The following ANKLE1 variants were observed in gnomAD, a reference collection of about 807,000 sequenced individuals.
ANKLE1 encodes ankyrin repeat and LEM domain containing 1, also known as structure-specific endonuclease ANKLE1.
Under a neutral mutation model 56.2 loss-of-function variants are expected in ANKLE1, and 59 were observed. That is an observed-to-expected ratio of 1.05 (90% confidence interval 0.85 to 1.30). ANKLE1 has a LOEUF of 1.30. Among genes scored for constraint, ANKLE1 ranks in the 50% most tolerant of loss-of-function variants. The pLI, the probability that ANKLE1 is intolerant of heterozygous loss-of-function variation, is 0.00. For synonymous variants in ANKLE1, 341 were observed against 352.9 expected (o/e 0.97, Z 0.38); for missense variants, 771 against 816.1 (o/e 0.94, Z 0.67).
intron 3 of ANKLE1, 26 bp from the exon 4 acceptor site, chr19:17,282,838 G>GC: frequency 6.3e-7 from 1 of 1,584,204 alleles, no homozygotes; most frequent in South Asian, 1.1e-5. Flanking sequence ...GGCCTCGGGC[G>GC]CCCCCTGCTG....
chr19:17,282,737 A>G lies in ANKLE1; in HGVS notation c.297A>G (p.Gly99=). Residue 99 remains glycine (G), a synonymous_variant, in exon 3 of 9, where the codon GGA becomes GGG. Coordinates refer to ENST00000404085, the MANE Select transcript of ANKLE1 (RefSeq NM_152363.6). ...GCCTGGAGCTGCTGCTGAGCCAAGG[A>G]GCGGACCCGGCGCTGCGCGACCAGG... is the stretch of plus-strand genomic sequence containing the variant. ...RRGLELLLSQ[G]ADPALRDQDG... 1 of 1,542,228 alleles carries G rather than the reference A, an allele frequency of 6.5e-7. No homozygotes were observed. The highest frequency in any genetic ancestry group is 8.7e-7 in the Non-Finnish European group (1 of 1,150,438).
At chr19:17,285,886 T>A in intron 8 of ANKLE1, 67 bp downstream of exon 8, 1 of 1,590,166 alleles carries the variant, frequency 6.3e-7, no homozygotes, top group South Asian at 1.1e-5. Flanking sequence ...CCCTCATTTT[T>A]TTCCTTCTGA....
rs11882562 is a variant in ANKLE1, at chr19:17,284,246, C to A, written c.1356C>A (p.Thr452=). The change falls in exon 6 of 9, where the codon ACC becomes ACA. Residue 452 remains threonine, a synonymous_variant. Transcript: ENST00000404085. The part of the protein sequence containing the change: ...WREGVVKSSF[T]YLLLDPRETQ... ...AGGGGGTCGTGAAGTCTAGCTTCAC[C>A]TATCTGCTGCTGGACCCCAGGTACT... is the stretch of plus-strand genomic sequence containing the variant. 10 of 1,613,634 alleles carry A rather than the reference C, an allele frequency of 6.2e-6. No individual in the cohort carries two copies. The highest frequency in any genetic ancestry group is 1.7e-5 in the Admixed American group (1 of 59,982).
chr19:17,285,947 G>A, intron 8 of ANKLE1, 128 bp downstream of exon 8: 2 of 1,300,510 alleles, frequency 1.5e-6, no homozygotes, highest in Non-Finnish European at 2.1e-6. Flanking sequence ...CTTTGAACCT[G>A]CACATGCATG....
At position 17,282,721 on chromosome 19, in the gene ANKLE1, T is replaced by A. The variant is rs8108174; in HGVS notation, c.281T>A (p.Leu94Gln). ...TGGGGCTGCCGCCGCGGCCTGGAGC[T>A]GCTGCTGAGCCAAGGAGCGGACCCG... is the stretch of plus-strand genomic sequence containing the variant. ...AAWGCRRGLE[L>Q]LLSQGADPAL... The change falls in exon 3 of 9, where the codon CTG becomes CAG. Residue 94 changes from leucine (L) to glutamine (Q), a missense_variant. Physicochemically the swap from Leu to Gln is moderately radical, Grantham distance 113. Coordinates refer to ENST00000404085, the MANE Select transcript of ANKLE1 (RefSeq NM_152363.6). 777,203 of 1,539,708 alleles carry A rather than the reference T, an allele frequency of 0.5. 197,243 individuals carry two copies. The highest frequency in any genetic ancestry group is 0.52 in the Non-Finnish European group (592,893 of 1,149,156).
Position 17,282,991 on chromosome 19 carries a change from C to G in ANKLE1, c.449C>G (p.Pro150Arg). 6.4e-7 allele frequency: 1 copy of G among 1,562,032 alleles called. No homozygotes were observed. Among genetic ancestry groups the G allele is most frequent in the Non-Finnish European group, 8.6e-7 (1 of 1,160,338 alleles). ...RIGAETQEPE[P>R]APGTPGLSGP... Reference sequence around the variant, plus strand: ...GGGGCAGAGACTCAGGAGCCCGAGCCTGCACCTGGCAGTGAGTAGGGCCTG... The same window carrying G: ...GGGGCAGAGACTCAGGAGCCCGAGCGTGCACCTGGCAGTGAGTAGGGCCTG... The change falls in exon 4 of 9, where the codon CCT becomes CGT. Residue 150 changes from proline to arginine, a missense_variant. Physicochemically the swap from Pro to Arg is moderately radical, Grantham distance 103 (BLOSUM62 -2). Coordinates refer to ENST00000404085, the MANE Select transcript of ANKLE1 (RefSeq NM_152363.6).
In ANKLE1 at chr19:17,286,824, G is replaced by C; in HGVS notation, c.*272G>C. 1 of 1,301,610 alleles carries C rather than the reference G, an allele frequency of 7.7e-7. No homozygotes were observed. Among genetic ancestry groups the C allele is most frequent in the East Asian group, 3.7e-5 (1 of 26,902 alleles). 80.6% of individuals were successfully genotyped at this position (1,301,610 alleles called of 1,614,324 possible). ...CCCCATCGTGGGAGGAGGACAAGAA[G>C]GGAAGCAGAAGGTGCTTTGGAACAG... On this transcript the variant is annotated 3_prime_UTR_variant, in exon 9 of 9. Transcript: ENST00000404085.
chr19:17,286,230 G>A lies in ANKLE1; in HGVS notation c.1676-150G>A, dbSNP rs1416948649. On this transcript the variant is annotated intron_variant, in intron 8 of 8. Transcript: ENST00000404085. The stretch of plus-strand genomic sequence containing the variant: ...GGGTTTCACCATGTTGGCCAGGCTG[G>A]TCTCGAACTCCTGGCTTCATGTGAT... 3 of 1,065,546 alleles carry A rather than the reference G, an allele frequency of 2.8e-6. No homozygotes were observed. The East Asian group carries it at 8.1e-5, about 29-fold the overall frequency. The allele number at this position is 1,065,546 out of a possible 1,614,324, so 66.0% of individuals were successfully genotyped here.
rs1319221895 is a variant in ANKLE1 at position 17,283,484 on chromosome 19, G to T, written c.720G>T (p.Trp240Cys). 5 of 1,613,130 alleles carry T rather than the reference G, an allele frequency of 3.1e-6. No individual in the cohort carries two copies. The highest frequency in any genetic ancestry group is 4.2e-6 in the Non-Finnish European group (5 of 1,179,638). The change falls in exon 5 of 9, where the codon TGG becomes TGT. Residue 240 changes from tryptophan (W) to cysteine (C), a missense_variant. Physicochemically the swap from Trp to Cys is radical, Grantham distance 215 (BLOSUM62 -2). Transcript: ENST00000404085. ...ACCCAGCCTCGGACACTCCCCCCTG[G>T]GCTGGGTCATTGCCACCGACCAGGC... ...AEDPASDTPP[W>C]AGSLPPTRQG...
chr19:17,284,743 T>C (rs969048824), intron 6 of ANKLE1, among the ~76,000 whole-genome samples: 1 of 143,592 alleles, frequency 7.0e-6, no homozygotes, highest in African/African-American at 2.6e-5. Context: ...TGGAATGTAG[T>C]AGCGCAATCT....
chr19:17,283,251 G>A lies in ANKLE1; in HGVS notation c.487G>A (p.Glu163Lys), dbSNP rs1251214569. 6.2e-7 allele frequency: 1 copy of A among 1,612,462 alleles called. No individual in the cohort carries two copies. The highest frequency in any genetic ancestry group is 8.5e-7 in the Non-Finnish European group (1 of 1,179,128). ...CCCAGGCCTCTCTGGACCTACCGATGAGACGCTGGACTCCATAGCACTCCA... is the reference window on the plus strand; with the variant it reads ...CCCAGGCCTCTCTGGACCTACCGATAAGACGCTGGACTCCATAGCACTCCA... ...GTPGLSGPTDETLDSIALQKQ... is the reference protein window; with the variant it reads ...GTPGLSGPTDKTLDSIALQKQ... The change falls in exon 5 of 9, where the codon GAG (glutamate) becomes AAG (lysine). Residue 163 changes from glutamate to lysine, a missense_variant. By Grantham distance (56) the Glu-to-Lys change is moderately conservative (BLOSUM62 1). Transcript: ENST00000404085.
rs2074022047 is a variant in ANKLE1, at chr19:17,285,548, C to T, written c.1494C>T (p.His498=). The T allele has an allele frequency of 6.2e-7, 1 of 1,613,934 alleles. No homozygotes were observed. Among genetic ancestry groups the T allele is most frequent in the Non-Finnish European group, 8.5e-7 (1 of 1,179,894 alleles). The change falls in exon 7 of 9, where the codon CAC becomes CAT. Residue 498 remains histidine, a synonymous_variant. Transcript: ENST00000404085. ...GGACGAGGGCCCGGCCATATGTCCA[C>T]CTCTGGGAGGCCCTTGGTCACCATG... ...GKGTRARPYV[H]LWEALGHHGR...
chr19:17,286,600 C>T lies in ANKLE1; in HGVS notation c.*48C>T. On this transcript the variant is annotated 3_prime_UTR_variant, in exon 9 of 9. Coordinates refer to ENST00000404085, the MANE Select transcript of ANKLE1 (RefSeq NM_152363.6). ...GCCTGGGGAGAAATGTTTGAATGTT[C>T]CAGCTGCCCCATGCTGACAGCAGCC... The T allele has an allele frequency of 6.4e-7, 1 of 1,559,068 alleles. No individual in the cohort carries two copies. Among genetic ancestry groups the T allele is most frequent in the Non-Finnish European group, 8.7e-7 (1 of 1,152,770 alleles).
chr19:17,284,038 T>C (rs999281963), intron 5 of ANKLE1, 51 bp from the exon 6 acceptor site: 27 of 1,604,838 alleles, frequency 1.7e-5, no homozygotes, highest in Non-Finnish European at 2.2e-5. Context: ...TCAGCCCCAC[T>C]TTCCTCCCCA....
At chr19:17,282,787 A>T (rs2073987877) in intron 3 of ANKLE1, 26 bp downstream of exon 3, 2 of 1,564,660 alleles carry the variant, frequency 1.3e-6, no homozygotes, top group African/African-American at 2.7e-5. Flanking sequence ...GCGGGCAAAG[A>T]AAGGCTGGGT....
In ANKLE1 at chr19:17,284,248, A is replaced by G. The variant is rs753127179; in HGVS notation, c.1358A>G (p.Tyr453Cys). The G allele has an allele frequency of 3.7e-6, 6 of 1,613,720 alleles. No individual in the cohort carries two copies. The highest frequency in any genetic ancestry group is 3.3e-5 in the South Asian group (3 of 91,090). ...GGGGTCGTGAAGTCTAGCTTCACCT[A>G]TCTGCTGCTGGACCCCAGGTACTCA... Reference protein sequence around the residue: ...REGVVKSSFTYLLLDPRETQD... With the variant: ...REGVVKSSFTCLLLDPRETQD... The change falls in exon 6 of 9, where the codon TAT (tyrosine) becomes TGT (cysteine). Residue 453 changes from tyrosine to cysteine, a missense_variant. By Grantham distance (194) the Tyr-to-Cys change is radical. Coordinates refer to ENST00000404085, the MANE Select transcript of ANKLE1 (RefSeq NM_152363.6).
At position 17,283,622 on chromosome 19, in the gene ANKLE1, T is replaced by G; in HGVS notation, c.858T>G (p.Ala286=). 1 of 1,612,294 alleles carries G rather than the reference T, an allele frequency of 6.2e-7. No homozygotes were observed. Among genetic ancestry groups the G allele is most frequent in the East Asian group, 2.2e-5 (1 of 44,854 alleles). Residue 286 remains alanine (A), a synonymous_variant, in exon 5 of 9, where the codon GCT becomes GCG. Coordinates refer to ENST00000404085, the MANE Select transcript of ANKLE1 (RefSeq NM_152363.6). Reference sequence around the variant, plus strand: ...TGACTCTGACCCCACCAAATGCTGCTGGCTTCCAGTCCTCCCCTTCCTCCA... The same window carrying G: ...TGACTCTGACCCCACCAAATGCTGCGGGCTTCCAGTCCTCCCCTTCCTCCA... The part of the protein sequence containing the change: ...QALTLTPPNA[A]GFQSSPSSMP...
At position 17,283,411 on chromosome 19, in the gene ANKLE1, G is replaced by A. The variant is rs2073997011; in HGVS notation, c.647G>A (p.Ser216Asn). The A allele has an allele frequency of 4.3e-6, 7 of 1,613,702 alleles. No individual in the cohort carries two copies. The highest frequency in any genetic ancestry group is 5.1e-6 in the Non-Finnish European group (6 of 1,179,888). Reference sequence around the variant, plus strand: ...TCCCCTCCAGGGCACTGGGATTACAGCTCAGACGCCTCTTTCGTCACAGCG... The same window carrying A: ...TCCCCTCCAGGGCACTGGGATTACAACTCAGACGCCTCTTTCGTCACAGCG... ...SASPPGHWDY[S>N]SDASFVTAVE... Residue 216 changes from serine (S) to asparagine (N), a missense_variant, in exon 5 of 9, where the codon AGC becomes AAC. Coordinates refer to ENST00000404085, the MANE Select transcript of ANKLE1 (RefSeq NM_152363.6).
Position 17,286,857 on chromosome 19 carries a change from CTT to C in ANKLE1, c.*306_*307del. ...GAAGGTGCTTTGGAACAGTCCGGTG[CTT>C]CTGTAAGAGGCGTTTGAACCTGGGC... is the stretch of plus-strand genomic sequence containing the variant. On this transcript the variant is annotated 3_prime_UTR_variant, in exon 9 of 9. Transcript: ENST00000404085. 8.5e-7 allele frequency: 1 copy of C among 1,180,166 alleles called. No individual in the cohort carries two copies. Among genetic ancestry groups the C allele is most frequent in the Non-Finnish European group, 1.1e-6 (1 of 943,144 alleles). 73.1% of individuals were successfully genotyped at this position (1,180,166 alleles called of 1,614,324 possible). A position where few individuals can be genotyped will look rare whatever the true frequency, so the allele number is the denominator to read the frequency against.
Sources: allele counts gnomAD v4.1 joint callset (sites outside exome capture counted in the v4.1 genomes callset), GRCh38; gene constraint gnomAD v4.1.1; transcripts MANE v1.5; gene names NCBI Gene and HGNC (gene_info 2026-07-23, HGNC 2026-07-21).